The following SPTBN1 variants were observed in gnomAD, a reference collection of about 807,000 sequenced individuals.
The protein encoded by SPTBN1 is spectrin beta chain, non-erythrocytic 1.
A neutral mutation model predicts 266.4 loss-of-function variants in SPTBN1; 32 were observed. The observed-to-expected ratio is 0.12, with a 90% CI of 0.09 to 0.16. SPTBN1 has a LOEUF of 0.16. Ranked by LOEUF, SPTBN1 falls within the 10% of genes least tolerant of loss-of-function variation. The pLI is 1.00. For synonymous variants in SPTBN1, 1,336 were observed against 1,162.2 expected, an observed-to-expected ratio of 1.15 and a Z score of -3.04; for missense variants, 2,296 against 3,067.1, an observed-to-expected ratio of 0.75 and a Z score of 5.94.
rs999770376 is a variant in SPTBN1 at position 54,540,858 on chromosome 2, T to C, written c.148+14292T>C. On this transcript the variant is annotated intron_variant, in intron 2 of 35. Coordinates refer to ENST00000356805, the MANE Select transcript of SPTBN1 (RefSeq NM_003128.3). This position sits in a 1 kb window ranked among gnomAD's most constrained non-coding sequence, Gnocchi z 5.6. ...ACCAAGCAAGATAGGGAATGGAATG[T>C]TAAAATTGTAGTAGTTTATACGTAG... Among the ~76,000 whole-genome samples the C allele has an allele frequency of 6.6e-6, 1 of 152,214 alleles. No individual in the cohort carries two copies. The highest frequency in any genetic ancestry group is 2.4e-5 in the African/African-American group (1 of 41,468).
At chr2:54,648,247 T>A (rs1680044146) in intron 24 of SPTBN1, among the ~76,000 whole-genome samples, 1 of 151,712 alleles carries the variant, frequency 6.6e-6, no homozygotes, top group African/African-American at 2.4e-5. Context: ...GTGTAGGAGG[T>A]TCTTAAGATG....
chr2:54,534,947 C>T (rs1179579796), intron 2 of SPTBN1: 1 of 152,238 alleles, frequency 6.6e-6, no homozygotes, highest in Admixed American at 6.5e-5. Context: ...GATCCTCATT[C>T]CCCTTTTTGT....
rs576829631 is a variant in SPTBN1, at chr2:54,643,163, A to G, written c.4005+34A>G. 158 of 1,612,778 alleles carry G rather than the reference A, an allele frequency of 9.8e-5. No homozygotes were observed. The South Asian group carries it at 1.6e-3, about 17-fold the overall frequency. ...AAACATTTGATGTGGCCATGGTGAG[A>G]AAACAAACAGGGTAGTAATAAACTC... On this transcript the variant is annotated intron_variant, in intron 19 of 35. Coordinates refer to ENST00000356805, the MANE Select transcript of SPTBN1 (RefSeq NM_003128.3).
rs6728905 is a variant in SPTBN1, at chr2:54,581,656, A to G, written c.149-17436A>G. Among the ~76,000 whole-genome samples, 843 of 134,402 alleles carry G rather than the reference A, an allele frequency of 6.3e-3. 6 individuals carry two copies. Among genetic ancestry groups the G allele is most frequent in the African/African-American group, 0.022 (790 of 36,112 alleles). 88.2% of individuals were successfully genotyped at this position (134,402 alleles called of 152,430 possible). ...AGGTTGAAGGTACAGCCCACAGTTT[A>G]AGAAAACTGTCCCAAACCTGAGCTA... is the stretch of plus-strand genomic sequence containing the variant. On this transcript the variant is annotated intron_variant, in intron 2 of 35. Coordinates refer to ENST00000356805, the MANE Select transcript of SPTBN1 (RefSeq NM_003128.3).
intron 19 of SPTBN1, among the ~76,000 whole-genome samples, chr2:54,643,982 CAATAATAATAATAAT>C (rs56299899): frequency 1.3e-5 from 2 of 149,794 alleles, no homozygotes; most frequent in Non-Finnish European, 3.0e-5. Flanking sequence ...AATATAATAA[CAATAATAATAATAAT>C]AATAATAATA....
At chr2:54,592,571 A>G (rs555813556) in intron 2 of SPTBN1, among the ~76,000 whole-genome samples, 3 of 152,136 alleles carry the variant, frequency 2.0e-5, no homozygotes, top group Admixed American at 2.0e-4. Flanking sequence ...TTTAGTAGAG[A>G]TGGGGGTTTC....
In SPTBN1 at chr2:54,562,758, A is replaced by G. The variant is rs151064081; in HGVS notation, c.148+36192A>G. On this transcript the variant is annotated intron_variant, in intron 2 of 35. Coordinates refer to ENST00000356805, the MANE Select transcript of SPTBN1 (RefSeq NM_003128.3). ...TGTTTTGTAGAGACAGGGTTTCACCATGTTGCCCAAACTGGTCTTGAACTC... is the reference window on the plus strand; with the variant it reads ...TGTTTTGTAGAGACAGGGTTTCACCGTGTTGCCCAAACTGGTCTTGAACTC... 4.5e-3 allele frequency among the ~76,000 whole-genome samples: 643 copies of G among 142,830 alleles called. 21 individuals are homozygous for G. The East Asian group carries it at 0.056, about 12-fold the overall frequency. The allele number at this position is 142,830 out of a possible 152,430, so 93.7% of individuals were successfully genotyped here.
At chr2:54,565,513 AAG>A (rs1277090833) in intron 2 of SPTBN1, among the ~76,000 whole-genome samples, 3 of 152,210 alleles carry the variant, frequency 2.0e-5, no homozygotes, top group Non-Finnish European at 4.4e-5. Context: ...CCACTATAGA[AAG>A]AGATATAAGT....
At chr2:54,456,752 G>T (rs1693053055) in intron 1 of SPTBN1, among the ~76,000 whole-genome samples, 1 of 150,932 alleles carries the variant, frequency 6.6e-6, no homozygotes, top group South Asian at 2.1e-4. Context: ...GATGATGCGG[G>T]ACGAGGGGCG....
intron 19 of SPTBN1, 36 bp downstream of exon 19, chr2:54,643,165 A>G: frequency 6.2e-7 from 1 of 1,612,618 alleles, no homozygotes; most frequent in Non-Finnish European, 8.5e-7. Flanking sequence ...ATGGTGAGAA[A>G]ACAAACAGGG....
intron 2 of SPTBN1, chr2:54,557,676 C>T: frequency 1.0e-6 from 1 of 978,240 alleles, no homozygotes; most frequent in Non-Finnish European, 1.2e-6. Context: ...ACCTGTGTAC[C>T]TTTTTCCCAC....
rs757832733 is a variant in SPTBN1 at position 54,649,061 on chromosome 2, A to T, written c.5073A>T (p.Arg1691Ser). 1.2e-6 allele frequency: 2 copies of T among 1,614,260 alleles called. No individual in the cohort carries two copies. The highest frequency in any genetic ancestry group is 2.2e-5 in the South Asian group (2 of 91,086). Reference protein sequence around the residue: ...AGLKDLAEERRGKLDERHRLF... With the variant: ...AGLKDLAEERSGKLDERHRLF... ...TGAAAGACCTTGCTGAAGAGAGAAGAGGCAAGCTGGATGAGAGACACAGGT... is the reference window on the plus strand; with the variant it reads ...TGAAAGACCTTGCTGAAGAGAGAAGTGGCAAGCTGGATGAGAGACACAGGT... The change falls in exon 25 of 36, where the codon AGA (arginine) becomes AGT (serine). Residue 1691 changes from arginine (R) to serine (S), a missense_variant. This residue lies in a region of SPTBN1 where 644 missense variants were observed against 745.3 expected (regional missense o/e 0.86). Transcript: ENST00000356805. The surrounding 1 kb of genome is among the most constrained non-coding windows in gnomAD (Gnocchi z 6.7).
At chr2:54,668,010 G>C (rs999474501) in intron 35 of SPTBN1, among the ~76,000 whole-genome samples, 11 of 152,188 alleles carry the variant, frequency 7.2e-5, no homozygotes, top group Admixed American at 2.0e-4. Context: ...CAAGGAAAGA[G>C]AGAGTCCATT....
At position 54,647,171 on chromosome 2, in the gene SPTBN1, T is replaced by A; in HGVS notation, c.4907T>A (p.Ile1636Asn). 1 of 1,614,140 alleles carries A rather than the reference T, an allele frequency of 6.2e-7. No homozygotes were observed. The highest frequency in any genetic ancestry group is 8.5e-7 in the Non-Finnish European group (1 of 1,180,036). ...GTCTCCATGTTGAAGAAGCACCAGA[T>A]CTTAGAACAAGCTGTGGAGGACTAT... ...SAVSMLKKHQILEQAVEDYAE... is the reference protein window; with the variant it reads ...SAVSMLKKHQNLEQAVEDYAE... The change falls in exon 24 of 36, where the codon ATC becomes AAC. Residue 1636 changes from isoleucine (I) to asparagine (N), a missense_variant. Coordinates refer to ENST00000356805, the MANE Select transcript of SPTBN1 (RefSeq NM_003128.3).
rs1313085180 is a variant in SPTBN1, at chr2:54,632,754, C to G, written c.3753C>G (p.Asp1251Glu). Residue 1251 changes from aspartate (D) to glutamate (E), a missense_variant, in exon 17 of 36, where the codon GAC becomes GAG. This residue lies in a region of SPTBN1 where 386 missense variants were observed against 486.1 expected (regional missense o/e 0.79). Coordinates refer to ENST00000356805, the MANE Select transcript of SPTBN1 (RefSeq NM_003128.3). ...CAGATCGCATCCAGGAGAAGGTGGA[C>G]TCTATTGATGACAGGTACAGTTTTC... ...INSDRIQEKV[D>E]SIDDRHRKNR... 3 of 1,614,024 alleles carry G rather than the reference C, an allele frequency of 1.9e-6. No individual in the cohort carries two copies. The highest frequency in any genetic ancestry group is 1.1e-5 in the South Asian group (1 of 91,066).
chr2:54,515,909 GAA>G (rs1211816974), intron 1 of SPTBN1: 1 of 152,028 alleles, frequency 6.6e-6, no homozygotes, highest in African/African-American at 2.4e-5. Flanking sequence ...ATATGAAAAA[GAA>G]TACAATTTTT....
At position 54,655,219 on chromosome 2, in the gene SPTBN1, A is replaced by C. The variant is rs767611016; in HGVS notation, c.5961+11A>C. On this transcript the variant is annotated intron_variant, in intron 28 of 35. Transcript: ENST00000356805. Reference sequence around the variant, plus strand: ...TATGCATCTGAGGAGGTAGGTTGCTACTTTGCTTTGGAGCTGCAGCTGGCG... The same window carrying C: ...TATGCATCTGAGGAGGTAGGTTGCTCCTTTGCTTTGGAGCTGCAGCTGGCG... The C allele has an allele frequency of 1.2e-6, 2 of 1,610,302 alleles. No individual in the cohort carries two copies. The highest frequency in any genetic ancestry group is 2.7e-5 in the African/African-American group (2 of 74,922).
chr2:54,510,386 GA>G (rs1258538712), intron 1 of SPTBN1, among the ~76,000 whole-genome samples: 1 of 152,216 alleles, frequency 6.6e-6, no homozygotes, highest in East Asian at 1.9e-4. Flanking sequence ...TACAACATGT[GA>G]ATTTGGAAGG....
intron 27 of SPTBN1, among the ~76,000 whole-genome samples, chr2:54,654,491 A>G (rs1416693267): frequency 6.6e-6 from 1 of 152,188 alleles, no homozygotes; most frequent in East Asian, 1.9e-4. Context: ...TGCTGCAATA[A>G]AAGGGATTTT....
Sources: gnomAD v4.1 joint callset for allele counts (sites outside exome capture counted in the v4.1 genomes callset) on GRCh38, gnomAD v4.1.1 for gene constraint, gnomAD v4.1.1 regional missense constraint, Gnocchi (gnomAD v3.1) non-coding constraint, MANE v1.5 for transcripts, NCBI Gene and HGNC (gene_info 2026-07-23, HGNC 2026-07-21) for gene names.